The following SEMA5A variants were observed in gnomAD, a reference collection of about 807,000 sequenced individuals.
SEMA5A encodes semaphorin-5A.
A neutral mutation model predicts 135.5 loss-of-function variants in SEMA5A; 55 were observed. That is an observed-to-expected ratio of 0.41 (90% CI 0.33 to 0.51). The LOEUF (loss-of-function observed/expected upper bound fraction) is 0.51, where lower values mean the gene tolerates loss of function less well. SEMA5A is among the 20% of genes least tolerant of loss of function. The pLI is 0.37. For synonymous variants in SEMA5A, 580 were observed against 546.5 expected (o/e 1.06, Z -0.85); for missense variants, 1,290 against 1,419.9 (o/e 0.91, Z 1.47).
At chr5:9,537,288 C>T (rs1737820449) in intron 1 of SEMA5A, among the ~76,000 whole-genome samples, 1 of 152,170 alleles carries the variant, frequency 6.6e-6, no homozygotes, top group Non-Finnish European at 1.5e-5. Context: ...AAACTAAATA[C>T]CTGCCCTGGT....
intron 7 of SEMA5A, among the ~76,000 whole-genome samples, chr5:9,226,014 G>C (rs1347479656): frequency 6.6e-6 from 1 of 152,158 alleles, no homozygotes; most frequent in Non-Finnish European, 1.5e-5. Context: ...TAGCGATCTT[G>C]TGGGGCAGAT....
chr5:9,190,411 G>C lies in SEMA5A; in HGVS notation c.1129C>G (p.Gln377Glu), dbSNP rs147170997. The change falls in exon 11 of 23, where the codon CAG becomes GAG. Residue 377 changes from glutamine to glutamate, a missense_variant. Physicochemically the swap from Gln to Glu is conservative, Grantham distance 29. Around this residue, in one of 3 missense-constraint regions of SEMA5A, gnomAD observed 1,029 missense variants for 1,086.6 expected, o/e 0.95. Transcript: ENST00000382496. ...NLTERNLQDA[Q>E]KFILMHEVVQ... ...ACCTCATGCATCAGAATGAACTTCT[G>C]AGCATCCTGCAGATTTCTCTCGGTC... 2 of 1,613,942 alleles carry C rather than the reference G, an allele frequency of 1.2e-6. No homozygotes were observed. Among genetic ancestry groups the C allele is most frequent in the African/African-American group, 2.7e-5 (2 of 75,006 alleles).
chr5:9,305,728 T>TATATGTATATATATATATA lies in SEMA5A; in HGVS notation c.270+12643_270+12644insTATATATATATATACATAT, dbSNP rs1287444762. Among the ~76,000 whole-genome samples, 53 of 94,996 alleles carry TATATGTATATATATATATA rather than the reference T, an allele frequency of 5.6e-4. 1 individual carries two copies. Among genetic ancestry groups the TATATGTATATATATATATA allele is most frequent in the African/African-American group, 2.0e-3 (51 of 25,284 alleles). 62.3% of individuals were successfully genotyped at this position (94,996 alleles called of 152,430 possible). On this transcript the variant is annotated intron_variant, in intron 5 of 22. Transcript: ENST00000382496. Reference sequence around the variant, plus strand: ...TGTGCGTATATATATATATATATATTTACACGCACACACACACACACACAC... The same window carrying TATATGTATATATATATATA: ...TGTGCGTATATATATATATATATATTATATGTATATATATATATATACACGCACACACACACACACACAC...
chr5:9,449,970 T>G (rs756004863), intron 1 of SEMA5A, among the ~76,000 whole-genome samples: 4 of 152,232 alleles, frequency 2.6e-5, no homozygotes, highest in Non-Finnish European at 5.9e-5. Flanking sequence ...CCTTCAATGC[T>G]GTTCATAGGA....
intron 13 of SEMA5A, among the ~76,000 whole-genome samples, chr5:9,129,884 C>G (rs775895716): frequency 3.3e-5 from 5 of 152,144 alleles, no homozygotes; most frequent in African/African-American, 4.8e-5. Flanking sequence ...GTAAGTTGCT[C>G]AAAGTCACTC....
intron 16 of SEMA5A, among the ~76,000 whole-genome samples, chr5:9,085,502 G>A (rs993117784): frequency 2.6e-5 from 4 of 152,332 alleles, no homozygotes; most frequent in Non-Finnish European, 4.4e-5. Context: ...GGCTGCAGAG[G>A]GTGCAAGCCC....
At chr5:9,198,148 A>T in intron 9 of SEMA5A, among the ~76,000 whole-genome samples, 1 of 152,212 alleles carries the variant, frequency 6.6e-6, no homozygotes, top group Middle Eastern at 3.2e-3. Flanking sequence ...TCTTGCTCTG[A>T]GACAATACCA....
At chr5:9,046,963 G>C (rs368285871) in intron 21 of SEMA5A, among the ~76,000 whole-genome samples, 2 of 152,186 alleles carry the variant, frequency 1.3e-5, no homozygotes, top group African/African-American at 4.8e-5. Flanking sequence ...GTTGGTCAAT[G>C]GTTTCAGCAT....
intron 6 of SEMA5A, among the ~76,000 whole-genome samples, chr5:9,229,664 T>A (rs1451544961): frequency 6.6e-6 from 1 of 151,974 alleles, no homozygotes; most frequent in Non-Finnish European, 1.5e-5. Flanking sequence ...GTTTTGTTTG[T>A]TTTTTGATGC....
chr5:9,177,585 T>C lies in SEMA5A; in HGVS notation c.1273+12682A>G, dbSNP rs867055199. On this transcript the variant is annotated intron_variant, in intron 11 of 22. Coordinates refer to ENST00000382496, the MANE Select transcript of SEMA5A (RefSeq NM_003966.3). Reference sequence around the variant, plus strand: ...TTGAAGATTGACTTGTTCATCTTTGTTCACAACCATGGGTGAGTTCCACGC... The same window carrying C: ...TTGAAGATTGACTTGTTCATCTTTGCTCACAACCATGGGTGAGTTCCACGC... Among the ~76,000 whole-genome samples the C allele has an allele frequency of 2.0e-5, 3 of 152,210 alleles. No individual in the cohort carries two copies. The South Asian group carries it at 6.2e-4, about 32-fold the overall frequency.
At chr5:9,207,352 ATTTTGTATT>A (rs1372895794) in intron 8 of SEMA5A, among the ~76,000 whole-genome samples, 1 of 151,440 alleles carries the variant, frequency 6.6e-6, no homozygotes, top group Non-Finnish European at 1.5e-5. Flanking sequence ...CACCCGGCTA[ATTTTGTATT>A]TTTAATAGAG....
intron 2 of SEMA5A, among the ~76,000 whole-genome samples, chr5:9,410,558 A>G (rs1307027584): frequency 1.3e-5 from 2 of 152,348 alleles, no homozygotes; most frequent in African/African-American, 2.4e-5. Flanking sequence ...TACATTCCTC[A>G]GGGACAAGGA....
intron 2 of SEMA5A, among the ~76,000 whole-genome samples, chr5:9,409,119 A>G (rs189681558): frequency 1.3e-5 from 2 of 152,330 alleles, no homozygotes; most frequent in Non-Finnish European, 2.9e-5. Context: ...CCCGATGCCA[A>G]CTGGATGATT....
intron 1 of SEMA5A, among the ~76,000 whole-genome samples, chr5:9,519,132 C>A (rs1736680958): frequency 1.3e-5 from 2 of 152,174 alleles, no homozygotes; most frequent in Non-Finnish European, 2.9e-5. Context: ...AAACATGGAG[C>A]TGCTAAGGCA....
intron 2 of SEMA5A, among the ~76,000 whole-genome samples, chr5:9,407,474 T>C (rs1295189401): frequency 6.6e-6 from 1 of 152,212 alleles, no homozygotes; most frequent in Non-Finnish European, 1.5e-5. Context: ...GACAGCACAG[T>C]TTGGTAAATG....
intron 2 of SEMA5A, among the ~76,000 whole-genome samples, chr5:9,381,935 A>G (rs1755627348): frequency 1.1e-5 from 1 of 94,370 alleles, no homozygotes. Flanking sequence ...ATGAGATTAG[A>G]ATCATTTTGT....
intron 12 of SEMA5A, among the ~76,000 whole-genome samples, chr5:9,141,249 T>C (rs1742050441): frequency 1.3e-5 from 2 of 152,238 alleles, no homozygotes; most frequent in South Asian, 2.1e-4. Flanking sequence ...TGGAAAATCA[T>C]GGGTTTCCAA....
chr5:9,532,212 C>T (rs1234119565), intron 1 of SEMA5A, among the ~76,000 whole-genome samples: 2 of 151,980 alleles, frequency 1.3e-5, no homozygotes, highest in African/African-American at 2.4e-5. Flanking sequence ...CTCTTATCAA[C>T]TACATATTAC....
intron 12 of SEMA5A, among the ~76,000 whole-genome samples, chr5:9,149,093 G>C (rs373372972): frequency 1.6e-4 from 24 of 152,136 alleles, no homozygotes; most frequent in African/African-American, 5.1e-4. Context: ...TCTTTTTTTG[G>C]CTAAGTAATA....
Sources: gnomAD v4.1 joint callset for allele counts (sites outside exome capture counted in the v4.1 genomes callset) on GRCh38, gnomAD v4.1.1 for gene constraint, gnomAD v4.1.1 regional missense constraint, MANE v1.5 for transcripts, NCBI Gene and HGNC (gene_info 2026-07-23, HGNC 2026-07-21) for gene names.